Variants in SLC24A4 observed in about 807,000 individuals in gnomAD.
SLC24A4 encodes the protein solute carrier family 24 member 4, also known as sodium/potassium/calcium exchanger 4.
A neutral mutation model predicts 79.0 loss-of-function variants in SLC24A4; 53 were observed. The observed-to-expected ratio is 0.67, with a 90% CI of 0.54 to 0.84. The LOEUF is 0.84. Ranked by LOEUF, SLC24A4 falls within the 40% of genes least tolerant of loss-of-function variation. The probability of loss-of-function intolerance (pLI) is 0.00; values close to 1 mark genes in which losing one functional copy is unlikely to be tolerated. For missense variants in SLC24A4, 731 were observed against 822.0 expected, an observed-to-expected ratio of 0.89 and a Z score of 1.35; for synonymous variants, 323 against 323.8, an observed-to-expected ratio of 1.00 and a Z score of 0.03.
intron 3 of SLC24A4, among the ~76,000 whole-genome samples, chr14:92,435,849 C>A (rs991241731): frequency 1.3e-5 from 2 of 152,220 alleles, no homozygotes; most frequent in African/African-American, 2.4e-5. Flanking sequence ...TGGCTTTACA[C>A]TCCTCCCCTT....
chr14:92,474,859 A>G (rs1290573322), intron 12 of SLC24A4, among the ~76,000 whole-genome samples: 1 of 58,560 alleles, frequency 1.7e-5, no homozygotes, highest in African/African-American at 8.0e-5. Flanking sequence ...ATATATATAT[A>G]TATATTTTTT....
At chr14:92,340,640 C>G (rs1260108312) in intron 2 of SLC24A4, among the ~76,000 whole-genome samples, 1 of 152,072 alleles carries the variant, frequency 6.6e-6, no homozygotes, top group Non-Finnish European at 1.5e-5. Context: ...GGGAAAGATT[C>G]CTTTCCCCAC....
At chr14:92,335,881 C>G (rs1180178081) in intron 2 of SLC24A4, among the ~76,000 whole-genome samples, 1 of 152,202 alleles carries the variant, frequency 6.6e-6, no homozygotes, top group Non-Finnish European at 1.5e-5. Flanking sequence ...TCCAGCCTGT[C>G]ACTGTCTGAG....
chr14:92,425,448 A>G (rs72695171), intron 2 of SLC24A4, among the ~76,000 whole-genome samples: 33,142 of 152,178 alleles, frequency 0.22, 3,910 homozygotes, highest in Non-Finnish European at 0.25. Context: ...AGAAAACAGT[A>G]GAGAAGGTGG....
At chr14:92,440,145 CT>C (rs747345981) in intron 4 of SLC24A4, among the ~76,000 whole-genome samples, 4 of 152,178 alleles carry the variant, frequency 2.6e-5, no homozygotes, top group South Asian at 2.1e-4. Context: ...TTTCCCCCTG[CT>C]GGGCCCAGCT....
rs557004182 is a variant in SLC24A4 at position 92,487,994 on chromosome 14, C to T, written c.1537+1214C>T. Among the ~76,000 whole-genome samples the T allele has an allele frequency of 4.0e-5, 6 of 150,594 alleles. No individual in the cohort carries two copies. In the East Asian group the frequency reaches 1.2e-3, roughly 29 times the overall value. On this transcript the variant is annotated intron_variant, in intron 14 of 16. Transcript: ENST00000532405. The stretch of plus-strand genomic sequence containing the variant: ...TCCTCCTGCTCCTCCTCCTCCTCCT[C>T]CTCTCGCTCCTCCTCCTTTTCCTCC...
chr14:92,351,565 G>A (rs1307510525), intron 2 of SLC24A4, among the ~76,000 whole-genome samples: 1 of 152,228 alleles, frequency 6.6e-6, no homozygotes, highest in East Asian at 1.9e-4. Context: ...TTACTTGAAA[G>A]GTGCAGGCAG....
At chr14:92,326,406 C>T (rs1368234811) in intron 2 of SLC24A4, among the ~76,000 whole-genome samples, 6 of 152,114 alleles carry the variant, frequency 3.9e-5, no homozygotes, top group African/African-American at 7.2e-5. Flanking sequence ...TCAGCATGAC[C>T]GGGCAGCTGC....
At chr14:92,385,073 G>A (rs750334313) in intron 2 of SLC24A4, among the ~76,000 whole-genome samples, 1 of 152,202 alleles carries the variant, frequency 6.6e-6, no homozygotes, top group Non-Finnish European at 1.5e-5. Context: ...AACAGCAAGC[G>A]CTTAACAAGC....
At chr14:92,341,152 TG>T (rs1232617180) in intron 2 of SLC24A4, among the ~76,000 whole-genome samples, 1 of 152,220 alleles carries the variant, frequency 6.6e-6, no homozygotes, top group African/African-American at 2.4e-5. Flanking sequence ...GGTGGCCTGG[TG>T]GCCTTTGTGT....
At chr14:92,326,627 A>T (rs1340317848) in intron 2 of SLC24A4, among the ~76,000 whole-genome samples, 2 of 152,182 alleles carry the variant, frequency 1.3e-5, no homozygotes, top group Non-Finnish European at 2.9e-5. Flanking sequence ...GAAGAAGATT[A>T]TCAGGAGAAG....
At chr14:92,340,543 C>T (rs1392884556) in intron 2 of SLC24A4, among the ~76,000 whole-genome samples, 1 of 149,580 alleles carries the variant, frequency 6.7e-6, no homozygotes, top group African/African-American at 2.5e-5. Flanking sequence ...GGGTTCAGGT[C>T]CTTGGGTGTG....
intron 2 of SLC24A4, among the ~76,000 whole-genome samples, chr14:92,367,150 C>T (rs924814883): frequency 3.3e-5 from 5 of 152,184 alleles, no homozygotes; most frequent in Admixed American, 3.3e-4. Flanking sequence ...GTGCCTTGCC[C>T]GTTCAGAGGC....
rs1223340485 is a variant in SLC24A4, at chr14:92,441,542, T to C, written c.394-547T>C. On this transcript the variant is annotated intron_variant, in intron 4 of 16. Coordinates refer to ENST00000532405, the MANE Select transcript of SLC24A4 (RefSeq NM_153646.4). The surrounding 1 kb of genome is among the most constrained non-coding windows in gnomAD (Gnocchi z 4.6). Reference sequence around the variant, plus strand: ...CAGATCCACAATGCTGACATTCTCATTGAGGCCCCCAGTACCCAAAACCGG... The same window carrying C: ...CAGATCCACAATGCTGACATTCTCACTGAGGCCCCCAGTACCCAAAACCGG... Among the ~76,000 whole-genome samples, 1 of 152,192 alleles carries C rather than the reference T, an allele frequency of 6.6e-6. No individual in the cohort carries two copies. The highest frequency in any genetic ancestry group is 1.9e-4 in the East Asian group (1 of 5,188).
chr14:92,371,484 G>A (rs552036922), intron 2 of SLC24A4, among the ~76,000 whole-genome samples: 2 of 152,160 alleles, frequency 1.3e-5, no homozygotes, highest in African/African-American at 4.8e-5. Flanking sequence ...AAAAAGTGGA[G>A]TATAGATGGC....
At chr14:92,365,399 G>A (rs1887772199) in intron 2 of SLC24A4, among the ~76,000 whole-genome samples, 1 of 152,212 alleles carries the variant, frequency 6.6e-6, no homozygotes, top group East Asian at 1.9e-4. Flanking sequence ...GGGCCCTTTG[G>A]GTCACATACA....
At position 92,459,584 on chromosome 14, in the gene SLC24A4, G is replaced by A. The variant is rs1201128907; in HGVS notation, c.1255+2976G>A. 2.6e-5 allele frequency among the ~76,000 whole-genome samples: 4 copies of A among 152,142 alleles called. No individual in the cohort carries two copies. The Middle Eastern group carries it at 9.5e-3, about 361-fold the overall frequency. Reference sequence around the variant, plus strand: ...GTGCGAGTGTCCTCCCTGCCCTCAGGAATAGGCCTCAGCTTCCTGCATCCC... The same window carrying A: ...GTGCGAGTGTCCTCCCTGCCCTCAGAAATAGGCCTCAGCTTCCTGCATCCC... On this transcript the variant is annotated intron_variant, in intron 12 of 16. Transcript: ENST00000532405.
chr14:92,402,539 T>C (rs1000884176), intron 2 of SLC24A4, among the ~76,000 whole-genome samples: 3 of 152,146 alleles, frequency 2.0e-5, no homozygotes, highest in Non-Finnish European at 4.4e-5. Flanking sequence ...GTAACCATTC[T>C]ATATTAGTCA....
intron 2 of SLC24A4, among the ~76,000 whole-genome samples, chr14:92,382,060 G>T (rs1198615583): frequency 6.6e-6 from 1 of 151,694 alleles, no homozygotes; most frequent in African/African-American, 2.4e-5. Context: ...TAAAATGTTG[G>T]TCAACTCCCT....
Sources: allele counts gnomAD v4.1 joint callset (sites outside exome capture counted in the v4.1 genomes callset), GRCh38; gene constraint gnomAD v4.1.1; non-coding constraint Gnocchi (gnomAD v3.1); transcripts MANE v1.5; gene names NCBI Gene and HGNC (gene_info 2026-07-23, HGNC 2026-07-21).